The following C12orf60 variants were observed in gnomAD, a reference collection of about 807,000 sequenced individuals.
The protein encoded by C12orf60 is uncharacterized protein C12orf60.
For synonymous variants in C12orf60, 102 were observed against 94.6 expected, an observed-to-expected ratio of 1.08 and a Z score of -0.45; for missense variants, 284 against 283.2, an observed-to-expected ratio of 1.00 and a Z score of -0.02.
At chr12:14,809,930 G>A (rs537698184) in intron 1 of C12orf60, among the ~76,000 whole-genome samples, 1 of 152,306 alleles carries the variant, frequency 6.6e-6, no homozygotes, top group Non-Finnish European at 1.5e-5. Context: ...AAATCAAAGT[G>A]TAAGACATTG....
chr12:14,803,878 T>C (rs1204145399), intron 1 of C12orf60, 127 bp downstream of exon 1: 1 of 161,704 alleles, frequency 6.2e-6, no homozygotes, highest in Admixed American at 6.5e-5. Context: ...TGCGATCCTT[T>C]AGGGGTGTCT....
At chr12:14,817,487 C>T (rs147900473) in intron 1 of C12orf60, among the ~76,000 whole-genome samples, 5 of 152,300 alleles carry the variant, frequency 3.3e-5, no homozygotes, top group African/African-American at 9.6e-5. Flanking sequence ...CCTCGCCCCC[C>T]ACTCCTCAAC....
intron 1 of C12orf60, among the ~76,000 whole-genome samples, chr12:14,812,438 C>T (rs969253807): frequency 2.7e-5 from 4 of 150,742 alleles, no homozygotes; most frequent in Non-Finnish European, 4.4e-5. Flanking sequence ...AGGGAGACTC[C>T]GTCTCAAAAA....
chr12:14,815,984 T>G (rs1451268488), intron 1 of C12orf60, among the ~76,000 whole-genome samples: 1 of 152,260 alleles, frequency 6.6e-6, no homozygotes, highest in East Asian at 1.9e-4. Flanking sequence ...CAATATTGAC[T>G]TCATACTGAG....
At chr12:14,822,096 C>G (rs1455813565) in intron 1 of C12orf60, among the ~76,000 whole-genome samples, 1 of 125,686 alleles carries the variant, frequency 8.0e-6, no homozygotes, top group Non-Finnish European at 1.6e-5. Context: ...TGCCTCTGGT[C>G]ACGACTAGTT....
chr12:14,805,846 G>T, intron 1 of C12orf60: 2 of 756,718 alleles, frequency 2.6e-6, no homozygotes, highest in Non-Finnish European at 2.1e-6. Flanking sequence ...AACTCATCTA[G>T]TCATCTAGTC....
At chr12:14,812,443 CA>C (rs1260022264) in intron 1 of C12orf60, among the ~76,000 whole-genome samples, 138 of 138,664 alleles carry the variant, frequency 1.0e-3, no homozygotes, top group Middle Eastern at 3.6e-3. Flanking sequence ...GACTCCGTCT[CA>C]AAAAAAAAAA....
chr12:14,815,334 A>C (rs1283333312), intron 1 of C12orf60, among the ~76,000 whole-genome samples: 4 of 152,186 alleles, frequency 2.6e-5, no homozygotes, highest in African/African-American at 9.7e-5. Context: ...ATGGATGTTA[A>C]GTAGGATTTT....
chr12:14,819,108 C>T (rs1048572102), intron 1 of C12orf60, among the ~76,000 whole-genome samples: 3 of 152,120 alleles, frequency 2.0e-5, no homozygotes, highest in Non-Finnish European at 4.4e-5. Context: ...GTCTTCCAAT[C>T]CATGGACAGA....
At chr12:14,806,343 A>C (rs965681953) in intron 1 of C12orf60, 1 of 1,614,216 alleles carries the variant, frequency 6.2e-7, no homozygotes, top group South Asian at 1.1e-5. Context: ...AACCTTTTGC[A>C]CTATTGCAAT....
At chr12:14,809,213 GATAAACAA>G (rs1950099863) in intron 1 of C12orf60, among the ~76,000 whole-genome samples, 1 of 152,174 alleles carries the variant, frequency 6.6e-6, no homozygotes, top group Non-Finnish European at 1.5e-5. Flanking sequence ...TCTACCTCAA[GATAAACAA>G]ATGGAGAAAT....
At chr12:14,803,805 G>A (rs1158193296) in intron 1 of C12orf60, 54 bp downstream of exon 1, 1 of 272,618 alleles carries the variant, frequency 3.7e-6, no homozygotes. Flanking sequence ...AGCGTTCTGC[G>A]TTTTCTGTCT....
At chr12:14,819,111 T>C (rs1950268254) in intron 1 of C12orf60, among the ~76,000 whole-genome samples, 1 of 152,182 alleles carries the variant, frequency 6.6e-6, no homozygotes, top group Non-Finnish European at 1.5e-5. Flanking sequence ...TTCCAATCCA[T>C]GGACAGAGTT....
At chr12:14,805,030 GGCTTCCATA>G (rs1451710502) in intron 1 of C12orf60, 19 of 152,220 alleles carry the variant, frequency 1.2e-4, no homozygotes, top group Admixed American at 1.2e-3. Flanking sequence ...ACCATTAATA[GGCTTCCATA>G]GCCTTTGGCG....
intron 1 of C12orf60, chr12:14,806,787 A>G (rs953691062): frequency 8.6e-7 from 1 of 1,163,184 alleles, no homozygotes; most frequent in African/African-American, 1.5e-5. Context: ...TTCTTCATGC[A>G]TAGCAAAGAA....
At chr12:14,807,670 ACT>A (rs1381713535) in intron 1 of C12orf60, among the ~76,000 whole-genome samples, 1 of 152,114 alleles carries the variant, frequency 6.6e-6, no homozygotes, top group Non-Finnish European at 1.5e-5. Flanking sequence ...TATATTCAAG[ACT>A]CTTTGGATTA....
At chr12:14,806,124 G>GT in intron 1 of C12orf60, 1 of 1,614,118 alleles carries the variant, frequency 6.2e-7, no homozygotes, top group African/African-American at 1.3e-5. Flanking sequence ...TTGAAGCTGT[G>GT]TTTTTTCCAC....
chr12:14,806,549 A>G (rs1431117003), intron 1 of C12orf60: 7 of 1,614,124 alleles, frequency 4.3e-6, no homozygotes, highest in Non-Finnish European at 5.9e-6. Flanking sequence ...CCAAGTGCAT[A>G]TTTAGAACCT....
At chr12:14,821,741 G>A (rs1380972199) in intron 1 of C12orf60, among the ~76,000 whole-genome samples, 2 of 151,562 alleles carry the variant, frequency 1.3e-5, no homozygotes, top group Non-Finnish European at 2.9e-5. Flanking sequence ...TTTGATTCCC[G>A]GGGGTCCCCT....
Sources: allele counts gnomAD v4.1 joint callset (sites outside exome capture counted in the v4.1 genomes callset), GRCh38; gene constraint gnomAD v4.1.1; transcripts MANE v1.5; gene names NCBI Gene and HGNC (gene_info 2026-07-23, HGNC 2026-07-21).